The following WDR70 variants were observed in gnomAD, a reference collection of about 807,000 sequenced individuals.
WDR70 encodes the protein WD repeat-containing protein 70.
Under a neutral mutation model 88.6 loss-of-function variants are expected in WDR70, and 53 were observed. The ratio of observed to expected loss-of-function variants is 0.60; its 90% CI spans 0.48 to 0.75. The LOEUF (loss-of-function observed/expected upper bound fraction) is 0.75. Among genes scored for constraint, WDR70 ranks in the 30% least tolerant of loss-of-function variants. The pLI is 0.00. For missense variants in WDR70, 610 were observed against 823.2 expected, an observed-to-expected ratio of 0.74 and a Z score of 3.17; for synonymous variants, 280 against 270.0, an observed-to-expected ratio of 1.04 and a Z score of -0.36.
At chr5:37,451,768 G>T (rs4869511) in intron 7 of WDR70, among the ~76,000 whole-genome samples, 1 of 152,038 alleles carries the variant, frequency 6.6e-6, no homozygotes. Context: ...GGCCAAGGCA[G>T]GCGGATCATG....
chr5:37,665,178 C>T (rs1328620210), intron 10 of WDR70, among the ~76,000 whole-genome samples: 6 of 152,194 alleles, frequency 3.9e-5, no homozygotes, highest in African/African-American at 1.4e-4. Context: ...ACTTCATATA[C>T]AATGAAAATC....
At position 37,475,841 on chromosome 5, in the gene WDR70, A is replaced by ATT. The variant is rs1491255837; in HGVS notation, c.687-3992_687-3991insTT. On this transcript the variant is annotated intron_variant, in intron 7 of 17. Transcript: ENST00000265107. ...TTTACTGTCTTGTCTTTTGCATTAC[A>ATT]TATTTTTTTTTTTTTTTTTTGGAGA... Among the ~76,000 whole-genome samples the ATT allele has an allele frequency of 2.0e-3, 115 of 56,492 alleles. 1 individual carries two copies. The highest frequency in any genetic ancestry group is 3.6e-3 in the South Asian group (4 of 1,112). 37.1% of individuals were successfully genotyped at this position (56,492 alleles called of 152,430 possible).
chr5:37,556,139 CTT>C (rs200323949), intron 9 of WDR70, among the ~76,000 whole-genome samples: 84,382 of 143,798 alleles, frequency 0.59, 26,004 homozygotes, highest in Non-Finnish European at 0.69. Flanking sequence ...TTTTCTTCCT[CTT>C]TTTTTTTTTT....
chr5:37,594,768 T>C (rs769721354), intron 9 of WDR70, among the ~76,000 whole-genome samples: 3 of 152,250 alleles, frequency 2.0e-5, no homozygotes, highest in Non-Finnish European at 4.4e-5. Flanking sequence ...TTCCTATCCA[T>C]GAGCCTGGAA....
In WDR70 at chr5:37,462,261, T is replaced by C. The variant is rs181834652; in HGVS notation, c.687-17573T>C. 2.0e-5 allele frequency among the ~76,000 whole-genome samples: 3 copies of C among 152,244 alleles called. No individual in the cohort carries two copies. In the East Asian group the frequency reaches 5.8e-4, roughly 29 times the overall value. On this transcript the variant is annotated intron_variant, in intron 7 of 17. Coordinates refer to ENST00000265107, the MANE Select transcript of WDR70 (RefSeq NM_018034.4). ...GAATCAACCTTATATTGACAAAATA[T>C]ATTTTTACATTTTTGGGTGACATTT...
chr5:37,506,998 C>CAT (rs1740580317), intron 8 of WDR70: 3 of 618,862 alleles, frequency 4.8e-6, no homozygotes, highest in Non-Finnish European at 9.0e-6. Context: ...CTTGGGGACA[C>CAT]ACACACACAG....
chr5:37,494,064 C>T (rs1314824510), intron 8 of WDR70, among the ~76,000 whole-genome samples: 1 of 152,064 alleles, frequency 6.6e-6, no homozygotes, highest in Non-Finnish European at 1.5e-5. Context: ...AATGATCCAC[C>T]CACCTTGGCC....
intron 9 of WDR70, among the ~76,000 whole-genome samples, chr5:37,525,015 T>A (rs181038610): frequency 4.6e-5 from 7 of 152,038 alleles, no homozygotes; most frequent in Non-Finnish European, 1.0e-4. Flanking sequence ...CTTAGACTCC[T>A]GCACAATAAT....
At chr5:37,603,804 G>A (rs1315225772) in intron 9 of WDR70, among the ~76,000 whole-genome samples, 1 of 151,834 alleles carries the variant, frequency 6.6e-6, no homozygotes, top group Non-Finnish European at 1.5e-5. Context: ...ATTATGTATT[G>A]ATTATAAAAA....
chr5:37,739,646 T>C (rs1247830081), intron 17 of WDR70, among the ~76,000 whole-genome samples: 3 of 152,132 alleles, frequency 2.0e-5, no homozygotes. Context: ...GAATATTTCT[T>C]TTTCATATAT....
At chr5:37,632,475 A>G (rs993780438) in intron 10 of WDR70, among the ~76,000 whole-genome samples, 2 of 152,184 alleles carry the variant, frequency 1.3e-5, no homozygotes, top group African/African-American at 4.8e-5. Context: ...GTGGGTTGAT[A>G]TATAATGGTG....
intron 9 of WDR70, among the ~76,000 whole-genome samples, chr5:37,585,619 C>G (rs898673043): frequency 6.6e-6 from 1 of 152,196 alleles, no homozygotes; most frequent in African/African-American, 2.4e-5. Flanking sequence ...TCTGTCTTCT[C>G]CAATTCTCCA....
chr5:37,514,042 T>A (rs752027213), intron 8 of WDR70, among the ~76,000 whole-genome samples: 1 of 151,976 alleles, frequency 6.6e-6, no homozygotes, highest in Non-Finnish European at 1.5e-5. Context: ...TGAGATGGTG[T>A]CTGACCCTGT....
chr5:37,603,319 G>A (rs1743942214), intron 9 of WDR70, among the ~76,000 whole-genome samples: 1 of 152,060 alleles, frequency 6.6e-6, no homozygotes. Context: ...AATAAACCCA[G>A]GTACTTACAG....
intron 7 of WDR70, among the ~76,000 whole-genome samples, chr5:37,443,681 C>T (rs1474990977): frequency 1.3e-5 from 2 of 152,092 alleles, no homozygotes; most frequent in Non-Finnish European, 2.9e-5. Flanking sequence ...GGCAAAAGCC[C>T]GTCTCTACTA....
intron 5 of WDR70, among the ~76,000 whole-genome samples, chr5:37,410,267 G>A (rs1397099693): frequency 6.8e-6 from 1 of 146,482 alleles, no homozygotes; most frequent in Non-Finnish European, 1.5e-5. Flanking sequence ...TCGAACTCCT[G>A]GGCTCAAGAA....
chr5:37,635,764 G>T (rs1261877507), intron 10 of WDR70, among the ~76,000 whole-genome samples: 3 of 152,088 alleles, frequency 2.0e-5, no homozygotes, highest in Non-Finnish European at 1.5e-5. Flanking sequence ...ATATGGTTTG[G>T]CTGTGTCCCC....
At chr5:37,386,176 G>T (rs1292623711) in intron 3 of WDR70, among the ~76,000 whole-genome samples, 1 of 151,856 alleles carries the variant, frequency 6.6e-6, no homozygotes, top group Non-Finnish European at 1.5e-5. Flanking sequence ...ATCCTCAAAC[G>T]ATGGACAAAG....
At chr5:37,607,754 T>C (rs1216500396) in intron 10 of WDR70, among the ~76,000 whole-genome samples, 1 of 152,188 alleles carries the variant, frequency 6.6e-6, no homozygotes, top group Non-Finnish European at 1.5e-5. Flanking sequence ...TGGACATTGC[T>C]CCTCAAGAGG....
Sources: allele counts gnomAD v4.1 joint callset (sites outside exome capture counted in the v4.1 genomes callset), GRCh38; gene constraint gnomAD v4.1.1; transcripts MANE v1.5; gene names NCBI Gene and HGNC (gene_info 2026-07-23, HGNC 2026-07-21).